Variants in RAET1G observed in about 807,000 individuals in gnomAD.
The protein encoded by RAET1G is retinoic acid early transcript 1G.
RAET1G carries 25 observed loss-of-function variants against 29.5 expected under a neutral mutation model. The observed-to-expected ratio is 0.85, with a 90% confidence interval of 0.62 to 1.18. The LOEUF is 1.18. RAET1G is among the 50% of genes most tolerant of loss of function. RAET1G has a pLI of 0.00. For synonymous variants in RAET1G, 167 were observed against 159.5 expected (o/e 1.05, Z -0.36); for missense variants, 434 against 423.6 (o/e 1.02, Z -0.22).
rs370829904 is a variant in RAET1G, at chr6:149,916,940, G to A, written c.977C>T (p.Ser326Leu). 5.8e-6 allele frequency: 9 copies of A among 1,545,176 alleles called. No homozygotes were observed. Among genetic ancestry groups the A allele is most frequent in the African/African-American group, 2.7e-5 (2 of 72,866 alleles). The change falls in exon 5 of 5, where the codon TCG (serine) becomes TTG (leucine). Residue 326 changes from serine to leucine, a missense_variant. Coordinates refer to ENST00000367360, the MANE Select transcript of RAET1G (RefSeq NM_001001788.4). ...AGATATGGAGACCTGTAGTGGCTCCGAATACCTGGCTGCGCCGTTATTTAT... is the reference window on the plus strand; with the variant it reads ...AGATATGGAGACCTGTAGTGGCTCCAAATACCTGGCTGCGCCGTTATTTAT... ...YTINNGAARY[S>L]EPLQVSIS
Position 149,922,978 on chromosome 6 carries a change from T to G in RAET1G, c.33A>C (p.Leu11=), listed in dbSNP as rs1416830120. The part of the protein sequence containing the change: MAAAASPAFL[L]RLPLLLLLSS... The stretch of plus-strand genomic sequence containing the variant: ...ACAGCAGGAGCAGAAGCGGGAGGCG[T>G]AGAAGGAACGCGGGGCTGGCGGCCG... Residue 11 remains leucine (L), a synonymous_variant, in exon 1 of 5, where the codon CTA becomes CTC. Transcript: ENST00000367360. 3 of 1,605,782 alleles carry G rather than the reference T, an allele frequency of 1.9e-6. No homozygotes were observed. In the African/African-American group the frequency reaches 4.0e-5, roughly 21 times the overall value.
intron 4 of RAET1G, among the ~76,000 whole-genome samples, chr6:149,917,459 C>T (rs566207661): frequency 6.6e-5 from 10 of 152,372 alleles, no homozygotes; most frequent in Non-Finnish European, 1.3e-4. Flanking sequence ...AGGGCTCACA[C>T]TCTTGTCTTC....
intron 3 of RAET1G, 93 bp from the exon 4 acceptor site, chr6:149,918,477 A>T: frequency 7.1e-7 from 1 of 1,411,012 alleles, no homozygotes; most frequent in East Asian, 2.3e-5. Flanking sequence ...TCATCCTGGA[A>T]GGCAGAGGTT....
rs760987310 is a variant in RAET1G, at chr6:149,919,579, A to T, written c.323T>A (p.Ile108Asn). The T allele has an allele frequency of 2.5e-6, 4 of 1,613,896 alleles. No homozygotes were observed. The South Asian group carries it at 4.4e-5, about 18-fold the overall frequency. ...VDILTEQLLD[I>N]QLENYIPKEP... ...CTTGGGTATGTAATTCTCCAGCTGA[A>T]TGTCAAGCAGTTGCTCTGTAAGTAT... The change falls in exon 2 of 5, where the codon ATT (isoleucine) becomes AAT (asparagine). Residue 108 changes from isoleucine to asparagine, a missense_variant. Ile to Asn is a moderately radical substitution (Grantham distance 149). Transcript: ENST00000367360.
In RAET1G at chr6:149,919,571, C is replaced by G; in HGVS notation, c.331G>C (p.Glu111Gln). Residue 111 changes from glutamate to glutamine, a missense_variant, in exon 2 of 5, where the codon GAG becomes CAG. Physicochemically the swap from Glu to Gln is conservative, Grantham distance 29. Transcript: ENST00000367360. Reference protein sequence around the residue: ...LTEQLLDIQLENYIPKEPLTL... With the variant: ...LTEQLLDIQLQNYIPKEPLTL... ...AACTTACCCTTGGGTATGTAATTCTCCAGCTGAATGTCAAGCAGTTGCTCT... is the reference window on the plus strand; with the variant it reads ...AACTTACCCTTGGGTATGTAATTCTGCAGCTGAATGTCAAGCAGTTGCTCT... 3.1e-6 allele frequency: 5 copies of G among 1,614,016 alleles called. No homozygotes were observed. Among genetic ancestry groups the G allele is most frequent in the Non-Finnish European group, 4.2e-6 (5 of 1,179,878 alleles).
Position 149,919,636 on chromosome 6 carries a change from G to A in RAET1G, c.266C>T (p.Ala89Val), listed in dbSNP as rs755798172. 6.2e-7 allele frequency: 1 copy of A among 1,613,908 alleles called. No individual in the cohort carries two copies. The highest frequency in any genetic ancestry group is 8.5e-7 in the Non-Finnish European group (1 of 1,179,892). Residue 89 changes from alanine to valine, a missense_variant, in exon 2 of 5, where the codon GCA becomes GTA. Transcript: ENST00000367360. ...CACCTCTCTCAGTACTGGGTTCTGTGCTTTCCAGGCCGTTGTGACATTTAG... is the reference window on the plus strand; with the variant it reads ...CACCTCTCTCAGTACTGGGTTCTGTACTTTCCAGGCCGTTGTGACATTTAG... ...KKLNVTTAWKAQNPVLREVVD... is the reference protein window; with the variant it reads ...KKLNVTTAWKVQNPVLREVVD...
chr6:149,917,393 A>T (rs1189735888), intron 4 of RAET1G, among the ~76,000 whole-genome samples: 1 of 152,150 alleles, frequency 6.6e-6, no homozygotes, highest in East Asian at 1.9e-4. Flanking sequence ...CTTCCCAGGC[A>T]CTGGCGCTAC....
At position 149,917,046 on chromosome 6, in the gene RAET1G, C is replaced by A; in HGVS notation, c.871G>T (p.Gly291Cys). The change falls in exon 5 of 5, where the codon GGT becomes TGT. Residue 291 changes from glycine to cysteine, a missense_variant. Gly to Cys is a radical substitution (Grantham distance 159, BLOSUM62 -3). Coordinates refer to ENST00000367360, the MANE Select transcript of RAET1G (RefSeq NM_001001788.4). Reference protein sequence around the residue: ...SYQIAKRPLSGGHVTRVTLPI... With the variant: ...SYQIAKRPLSCGHVTRVTLPI... ...AAAGTCACGCGAGTCACGTGTCCAC[C>A]AGACAAGGGGCGCTTCGCTATTTGG... 1 of 1,549,652 alleles carries A rather than the reference C, an allele frequency of 6.5e-7. No individual in the cohort carries two copies.
chr6:149,918,827 A>C, intron 3 of RAET1G: 1 of 712,844 alleles, frequency 1.4e-6, no homozygotes, highest in Non-Finnish European at 2.3e-6. Context: ...GGGGAACAGA[A>C]GCAAGTGCAG....
chr6:149,918,653 G>C (rs1190433211), intron 3 of RAET1G: 15 of 584,108 alleles, frequency 2.6e-5, no homozygotes, highest in Non-Finnish European at 4.3e-5. Context: ...TCCAGGGTGC[G>C]GGAGGGGAGG....
chr6:149,918,552 C>T (rs1403831176), intron 3 of RAET1G, among the ~76,000 whole-genome samples, 168 bp from the exon 4 acceptor site: 1 of 152,066 alleles, frequency 6.6e-6, no homozygotes. Flanking sequence ...GAGGGGGTGT[C>T]CCTTGGCCTC....
At chr6:149,920,565 G>A (rs1778575680) in intron 1 of RAET1G, among the ~76,000 whole-genome samples, 1 of 152,160 alleles carries the variant, frequency 6.6e-6, no homozygotes, top group Non-Finnish European at 1.5e-5. Flanking sequence ...ACCAGAATGG[G>A]ATGAAGCTCA....
rs547521966 is a variant in RAET1G, at chr6:149,919,881, A to G, written c.86-65T>C. The stretch of plus-strand genomic sequence containing the variant: ...AGACCCCTAGATACCCCTCCTCCAC[A>G]CTGTGACAATAAGAGGAAGCCTCTG... On this transcript the variant is annotated intron_variant, in intron 1 of 4. Coordinates refer to ENST00000367360, the MANE Select transcript of RAET1G (RefSeq NM_001001788.4). The G allele has an allele frequency of 3.6e-5, 58 of 1,611,882 alleles. 1 individual carries two copies. The highest frequency in any genetic ancestry group is 3.5e-4 in the South Asian group (32 of 90,966).
chr6:149,919,719 A>G lies in RAET1G; in HGVS notation c.183T>C (p.Phe61=), dbSNP rs778879034. The G allele has an allele frequency of 6.2e-7, 1 of 1,613,842 alleles. No individual in the cohort carries two copies. Among genetic ancestry groups the G allele is most frequent in the Non-Finnish European group, 8.5e-7 (1 of 1,179,866 alleles). The change falls in exon 2 of 5, where the codon TTT becomes TTC. Residue 61 remains phenylalanine (F), a synonymous_variant. Coordinates refer to ENST00000367360, the MANE Select transcript of RAET1G (RefSeq NM_001001788.4). ...TCTTGCTGCCACAGTCATAGTGAAG[A>G]AAAGTCTTTTCATCCACCTGGCCTT... ...AVQGQVDEKT[F]LHYDCGSKTV...
intron 1 of RAET1G, among the ~76,000 whole-genome samples, chr6:149,921,970 C>T (rs1326035797): frequency 6.6e-6 from 1 of 152,096 alleles, no homozygotes; most frequent in Non-Finnish European, 1.5e-5. Context: ...GGACTGGACA[C>T]TGAGACGGAG....
chr6:149,922,847 C>A lies in RAET1G; in HGVS notation c.85+79G>T. On this transcript the variant is annotated intron_variant, in intron 1 of 4. Transcript: ENST00000367360. Reference sequence around the variant, plus strand: ...TGATCGCACGGGTCCTTCCAGAAGCCTCCCCTCCTCTGAAGCCCACAGTCC... The same window carrying A: ...TGATCGCACGGGTCCTTCCAGAAGCATCCCCTCCTCTGAAGCCCACAGTCC... The A allele has an allele frequency of 2.9e-6, 3 of 1,019,032 alleles. No individual in the cohort carries two copies. In the South Asian group the frequency reaches 4.8e-5, roughly 16 times the overall value. The allele number at this position is 1,019,032 out of a possible 1,614,324, so 63.1% of individuals were successfully genotyped here. A position where few individuals can be genotyped will look rare whatever the true frequency, so the allele number is the denominator to read the frequency against.
chr6:149,919,555 T>C lies in RAET1G; in HGVS notation c.347A>G (p.Lys116Arg), dbSNP rs1284569369. The stretch of plus-strand genomic sequence containing the variant: ...GTCCTGGGCCATCTGAAACTTACCC[T>C]TGGGTATGTAATTCTCCAGCTGAAT... The part of the protein sequence containing the change: ...LDIQLENYIP[K>R]EPLTLQARMS... Residue 116 changes from lysine to arginine, a missense_variant and splice_region_variant, in exon 2 of 5, where the codon AAG becomes AGG. Transcript: ENST00000367360. The C allele has an allele frequency of 1.2e-5, 19 of 1,613,898 alleles. No individual in the cohort carries two copies. Among genetic ancestry groups the C allele is most frequent in the Non-Finnish European group, 1.6e-5 (19 of 1,179,878 alleles).
intron 2 of RAET1G, 23 bp downstream of exon 2, chr6:149,919,530 G>A: frequency 6.2e-7 from 1 of 1,614,014 alleles, no homozygotes; most frequent in Non-Finnish European, 8.5e-7. Flanking sequence ...GCTCCCTGCT[G>A]TCCTGGGCCA....
intron 1 of RAET1G, among the ~76,000 whole-genome samples, chr6:149,920,970 C>T (rs926647913): frequency 4.6e-5 from 7 of 152,238 alleles, no homozygotes; most frequent in Admixed American, 2.6e-4. Context: ...CTTCTCAGAC[C>T]GTGAACCCAT....
Sources: allele counts gnomAD v4.1 joint callset (sites outside exome capture counted in the v4.1 genomes callset), GRCh38; gene constraint gnomAD v4.1.1; transcripts MANE v1.5; gene names NCBI Gene and HGNC (gene_info 2026-07-23, HGNC 2026-07-21).